TNFSF8: variants seen among roughly 807,000 people sequenced by gnomAD.
The protein encoded by TNFSF8 is TNF superfamily member 8.
Under a neutral mutation model 22.0 loss-of-function variants are expected in TNFSF8, and 4 were observed. That is an observed-to-expected ratio of 0.18 (90% CI 0.09 to 0.42). TNFSF8 has a LOEUF of 0.42. TNFSF8 is among the 10% of genes least tolerant of loss of function. The pLI is 1.00. For synonymous variants in TNFSF8, 106 were observed against 112.5 expected, an observed-to-expected ratio of 0.94 and a Z score of 0.37; for missense variants, 233 against 281.8, an observed-to-expected ratio of 0.83 and a Z score of 1.24.
chr9:114,921,259 C>G (rs75713993), intron 1 of TNFSF8, among the ~76,000 whole-genome samples: 310 of 152,294 alleles, frequency 2.0e-3, no homozygotes, highest in African/African-American at 7.1e-3. Context: ...TTTTGAAGAG[C>G]TCTTGGGATG....
Position 114,930,288 on chromosome 9 carries a change from G to T in TNFSF8, c.16C>A (p.Gln6Lys). ...GGGGCCATTCCGTTGAGTGCTTGCT[G>T]CAGCCCTGGGTCCATTCTTTATATA... MDPGL[Q>K]QALNGMAPPG... The change falls in exon 1 of 4, where the codon CAG becomes AAG. Residue 6 changes from glutamine to lysine, a missense_variant. By Grantham distance (53) the Gln-to-Lys change is moderately conservative (BLOSUM62 1). Transcript: ENST00000223795. The T allele has an allele frequency of 6.3e-7, 1 of 1,583,680 alleles. No individual in the cohort carries two copies. Among genetic ancestry groups the T allele is most frequent in the Non-Finnish European group, 8.6e-7 (1 of 1,165,132 alleles).
At chr9:114,910,408 G>C (rs952038631) in intron 2 of TNFSF8, among the ~76,000 whole-genome samples, 2 of 152,194 alleles carry the variant, frequency 1.3e-5, no homozygotes, top group Non-Finnish European at 2.9e-5. Context: ...TACCCAGAGA[G>C]ACTAGGGTCT....
At position 114,930,399 on chromosome 9, in the gene TNFSF8, C is replaced by T; in HGVS notation, c.-96G>A. ...TCCAAGAAGGATTCTCCCCCTGAAT[C>T]CTGAATCATGTGACTTGGAAAAAAA... On this transcript the variant is annotated 5_prime_UTR_variant, in exon 1 of 4. Transcript: ENST00000223795. 9.4e-7 allele frequency: 1 copy of T among 1,064,630 alleles called. No individual in the cohort carries two copies. The highest frequency in any genetic ancestry group is 1.3e-6 in the Non-Finnish European group (1 of 797,080). The allele number at this position is 1,064,630 out of a possible 1,614,324, so 65.9% of individuals were successfully genotyped here. A position where few individuals can be genotyped will look rare whatever the true frequency, so the allele number is the denominator to read the frequency against.
At chr9:114,920,228 A>G (rs144653501) in intron 1 of TNFSF8, among the ~76,000 whole-genome samples, 1 of 152,362 alleles carries the variant, frequency 6.6e-6, no homozygotes, top group East Asian at 1.9e-4. Context: ...GTGCAAATGC[A>G]CTAAGAAAAA....
intron 2 of TNFSF8, among the ~76,000 whole-genome samples, chr9:114,916,507 T>C (rs541798649): frequency 6.6e-6 from 1 of 152,288 alleles, no homozygotes; most frequent in Non-Finnish European, 1.5e-5. Flanking sequence ...AATGAAAAGT[T>C]TCCATCTTCC....
chr9:114,896,199 G>T (rs531800979), downstream of TNFSF8, among the ~76,000 whole-genome samples: 1 of 152,162 alleles, frequency 6.6e-6, no homozygotes, highest in Non-Finnish European at 1.5e-5. Flanking sequence ...GAATCTCTTG[G>T]ATCATATTAA....
At chr9:114,908,816 CA>C (rs946762185) in intron 2 of TNFSF8, among the ~76,000 whole-genome samples, 1 of 152,076 alleles carries the variant, frequency 6.6e-6, no homozygotes, top group African/African-American at 2.4e-5. Context: ...GGGCTAAAAG[CA>C]GGACACTAGA....
At chr9:114,928,998 G>A (rs1163829133) in intron 1 of TNFSF8, among the ~76,000 whole-genome samples, 1 of 152,198 alleles carries the variant, frequency 6.6e-6, no homozygotes, top group African/African-American at 2.4e-5. Flanking sequence ...GCACTATGAA[G>A]TAAGAAACAG....
chr9:114,896,765 AG>A (rs1160890706), downstream of TNFSF8, among the ~76,000 whole-genome samples: 2 of 152,214 alleles, frequency 1.3e-5, no homozygotes, highest in East Asian at 3.8e-4. Context: ...TGCTCAGAAA[AG>A]GGGTTCAATA....
chr9:114,909,588 T>A (rs1200662180), intron 2 of TNFSF8, among the ~76,000 whole-genome samples: 1 of 152,214 alleles, frequency 6.6e-6, no homozygotes, highest in East Asian at 1.9e-4. Context: ...GTGGATTTGA[T>A]GATCTGTCTT....
chr9:114,906,131 G>A (rs1312831992), intron 2 of TNFSF8, among the ~76,000 whole-genome samples: 1 of 152,086 alleles, frequency 6.6e-6, no homozygotes, highest in Non-Finnish European at 1.5e-5. Context: ...GAAGACTGTG[G>A]AAATCAGGGA....
At chr9:114,919,634 T>C (rs953785146) in intron 1 of TNFSF8, among the ~76,000 whole-genome samples, 26 of 152,148 alleles carry the variant, frequency 1.7e-4, no homozygotes, top group African/African-American at 6.3e-4. Context: ...AAAATATTAG[T>C]AAAGACCTAG....
intron 1 of TNFSF8, among the ~76,000 whole-genome samples, chr9:114,927,040 TTATAA>T (rs904629056): frequency 2.2e-5 from 3 of 138,582 alleles, no homozygotes; most frequent in Non-Finnish European, 4.6e-5. Context: ...AATGTTTATT[TTATAA>T]TATATTTATA....
intron 1 of TNFSF8, among the ~76,000 whole-genome samples, chr9:114,924,013 C>T (rs1483991736): frequency 6.6e-6 from 1 of 152,156 alleles, no homozygotes; most frequent in African/African-American, 2.4e-5. Context: ...TGAGTATAAC[C>T]ATGAGTTAAT....
At position 114,902,836 on chromosome 9, in the gene TNFSF8, G is replaced by T; in HGVS notation, c.*1095C>A. On this transcript the variant is annotated 3_prime_UTR_variant, in exon 4 of 4. Coordinates refer to ENST00000223795, the MANE Select transcript of TNFSF8 (RefSeq NM_001244.4). ...GGATCCTGAGTTCCAGGGAGGGGAA[G>T]GTATAGTGAATTCTTATAATTTTAT... 1 of 819,920 alleles carries T rather than the reference G, an allele frequency of 1.2e-6. No individual in the cohort carries two copies. 50.8% of individuals were successfully genotyped at this position (819,920 alleles called of 1,614,324 possible).
At chr9:114,898,583 A>ATAG (rs760839240), downstream of TNFSF8, among the ~76,000 whole-genome samples, 19 of 152,148 alleles carry the variant, frequency 1.2e-4, no homozygotes, top group Non-Finnish European at 2.2e-4. Context: ...AGAGACTGAG[A>ATAG]TAGTCCTTGA....
intron 3 of TNFSF8, 152 bp downstream of exon 3, chr9:114,905,676 A>G: frequency 1.4e-6 from 1 of 705,092 alleles, no homozygotes; most frequent in Non-Finnish European, 2.6e-6. Context: ...TTCAAATTCA[A>G]ATTACAAAAA....
At chr9:114,917,497 T>C (rs1349925465) in intron 2 of TNFSF8, among the ~76,000 whole-genome samples, 1 of 152,210 alleles carries the variant, frequency 6.6e-6, no homozygotes, top group African/African-American at 2.4e-5. Flanking sequence ...ACTCGGCATA[T>C]CATCTCTCTG....
At chr9:114,924,362 T>C (rs903846905) in intron 1 of TNFSF8, among the ~76,000 whole-genome samples, 1 of 152,184 alleles carries the variant, frequency 6.6e-6, no homozygotes, top group South Asian at 2.1e-4. Context: ...GCCATACCTA[T>C]AAGACATTTT....
Sources: gnomAD v4.1 joint callset for allele counts (sites outside exome capture counted in the v4.1 genomes callset) on GRCh38, gnomAD v4.1.1 for gene constraint, MANE v1.5 for transcripts, NCBI Gene and HGNC (gene_info 2026-07-23, HGNC 2026-07-21) for gene names.